Variants in MARCHF8 observed in about 807,000 individuals in gnomAD.
MARCHF8 encodes the protein membrane associated ring-CH-type finger 8, also known as E3 ubiquitin-protein ligase MARCHF8.
In MARCHF8, 40 loss-of-function variants were observed where a neutral mutation model predicts 51.6. That is an observed-to-expected ratio of 0.77 (90% CI 0.60 to 1.01). The LOEUF (loss-of-function observed/expected upper bound fraction) is 1.01. MARCHF8 is among the 50% of genes least tolerant of loss of function. The pLI is 0.00. For missense variants in MARCHF8, 685 were observed against 708.6 expected, an observed-to-expected ratio of 0.97 and a Z score of 0.38; for synonymous variants, 263 against 280.3, an observed-to-expected ratio of 0.94 and a Z score of 0.62.
intron 3 of MARCHF8, among the ~76,000 whole-genome samples, chr10:45,478,074 G>A (rs773965933): frequency 5.3e-5 from 8 of 152,180 alleles, no homozygotes; most frequent in Non-Finnish European, 1.0e-4. Context: ...TAAACAGACA[G>A]TTACAGAACG....
intron 1 of MARCHF8, among the ~76,000 whole-genome samples, chr10:45,558,416 T>C (rs750512844): frequency 4.6e-5 from 7 of 152,170 alleles, no homozygotes; most frequent in Non-Finnish European, 1.0e-4. Flanking sequence ...CAAGGGATGA[T>C]AGTGGTATTG....
chr10:45,507,811 GA>G (rs34156328), intron 2 of MARCHF8, among the ~76,000 whole-genome samples: 1,362 of 122,188 alleles, frequency 0.011, 9 homozygotes, highest in African/African-American at 0.021. Flanking sequence ...GCTCAGTTTT[GA>G]AAAAAAAAAA....
chr10:45,592,858 T>G (rs946742039), intron 1 of MARCHF8, among the ~76,000 whole-genome samples: 1 of 152,018 alleles, frequency 6.6e-6, no homozygotes, highest in Non-Finnish European at 1.5e-5. Flanking sequence ...ACAACGAATC[T>G]TTTTTTTAGT....
intron 3 of MARCHF8, among the ~76,000 whole-genome samples, chr10:45,481,514 T>C (rs540587103): frequency 5.9e-5 from 9 of 152,332 alleles, no homozygotes; most frequent in African/African-American, 1.9e-4. Flanking sequence ...AACTGAATCA[T>C]AGGGGTGGTT....
chr10:45,579,318 C>T (rs1236696768), intron 1 of MARCHF8, among the ~76,000 whole-genome samples: 3 of 150,776 alleles, frequency 2.0e-5, no homozygotes, highest in African/African-American at 7.3e-5. Flanking sequence ...TGTATTTTTT[C>T]TGTAAGTTAC....
At chr10:45,467,718 CCTG>C (rs1284404981) in intron 3 of MARCHF8, among the ~76,000 whole-genome samples, 1 of 152,226 alleles carries the variant, frequency 6.6e-6, no homozygotes, top group Admixed American at 6.5e-5. Context: ...GACCAGCCGT[CCTG>C]CTCTTTCTGA....
intron 2 of MARCHF8, among the ~76,000 whole-genome samples, chr10:45,530,891 A>T (rs2043869905): frequency 6.6e-6 from 1 of 152,248 alleles, no homozygotes; most frequent in Non-Finnish European, 1.5e-5. Flanking sequence ...TAAAACTGTC[A>T]TTATAGCTGT....
chr10:45,570,626 C>A (rs2044418374), intron 1 of MARCHF8, among the ~76,000 whole-genome samples: 1 of 151,978 alleles, frequency 6.6e-6, no homozygotes, highest in Non-Finnish European at 1.5e-5. Context: ...ATGTAATAGG[C>A]AAGGAAAAGA....
intron 2 of MARCHF8, among the ~76,000 whole-genome samples, chr10:45,527,024 G>A (rs1198928671): frequency 6.6e-6 from 1 of 152,090 alleles, no homozygotes; most frequent in Non-Finnish European, 1.5e-5. Flanking sequence ...AATGATTTTT[G>A]GGTCAGTGAT....
chr10:45,512,251 C>G (rs1007710139), intron 2 of MARCHF8, among the ~76,000 whole-genome samples: 7 of 151,488 alleles, frequency 4.6e-5, no homozygotes, highest in African/African-American at 1.7e-4. Context: ...CCGGCAGCCG[C>G]CCCGTCTGAG....
chr10:45,478,004 G>C (rs1421113122), intron 3 of MARCHF8, among the ~76,000 whole-genome samples: 1 of 152,184 alleles, frequency 6.6e-6, no homozygotes, highest in African/African-American at 2.4e-5. Context: ...TCGTTAGACA[G>C]ATCATCTAGG....
In MARCHF8 at chr10:45,567,300, ATT is replaced by A. The variant is rs1589183928; in HGVS notation, c.-79+26933_-79+26934del. On this transcript the variant is annotated intron_variant, in intron 1 of 6. Coordinates refer to the MARCHF8 transcript ENST00000319836. Reference sequence around the variant, plus strand: ...TAACTTGATGTGACCCCATTTGTCCATTTTTGCTTTGGTTGCCTGTACTTGTG... The same window carrying A: ...TAACTTGATGTGACCCCATTTGTCCATTTGCTTTGGTTGCCTGTACTTGTG... 1.3e-5 allele frequency among the ~76,000 whole-genome samples: 2 copies of A among 152,014 alleles called. 1 individual carries two copies. Among genetic ancestry groups the A allele is most frequent in the East Asian group, 3.9e-4 (2 of 5,194 alleles).
chr10:45,555,972 T>C (rs546002215), intron 1 of MARCHF8, among the ~76,000 whole-genome samples: 15 of 152,218 alleles, frequency 9.9e-5, no homozygotes, highest in Non-Finnish European at 1.3e-4. Flanking sequence ...TTCCAGCGAA[T>C]AAATGAAAAA....
chr10:45,460,276 C>T (rs1488120796), intron 6 of MARCHF8, among the ~76,000 whole-genome samples: 1 of 152,136 alleles, frequency 6.6e-6, no homozygotes, highest in Non-Finnish European at 1.5e-5. Context: ...CTTCACCTTT[C>T]TAGGGTATGC....
chr10:45,471,079 G>T (rs1179563961), intron 3 of MARCHF8, among the ~76,000 whole-genome samples: 2 of 152,096 alleles, frequency 1.3e-5, no homozygotes, highest in Admixed American at 1.3e-4. Flanking sequence ...CATTAAAAAA[G>T]TAAGTATATA....
intron 2 of MARCHF8, among the ~76,000 whole-genome samples, chr10:45,514,486 C>T (rs1389438605): frequency 1.3e-5 from 2 of 152,262 alleles, no homozygotes; most frequent in African/African-American, 4.8e-5. Context: ...GGCTGGCTGT[C>T]GCAGCTGGAC....
At position 45,458,546 on chromosome 10, in the gene MARCHF8, G is replaced by A. The variant is rs779323902; in HGVS notation, c.1418-3C>T. The A allele has an allele frequency of 6.4e-7, 1 of 1,571,108 alleles. No homozygotes were observed. The highest frequency in any genetic ancestry group is 8.6e-7 in the Non-Finnish European group (1 of 1,162,160). On this transcript the variant is annotated splice_region_variant and splice_polypyrimidine_tract_variant and intron_variant, in intron 7 of 7. Transcript: ENST00000453424. ...CCAAAAGGGCCATTCTAGGATTCCTGGAAGGGAAAAACTCAGCCTATTAGA... is the reference window on the plus strand; with the variant it reads ...CCAAAAGGGCCATTCTAGGATTCCTAGAAGGGAAAAACTCAGCCTATTAGA...
chr10:45,562,773 T>C (rs1204323642), intron 1 of MARCHF8, among the ~76,000 whole-genome samples: 1 of 152,148 alleles, frequency 6.6e-6, no homozygotes, highest in Non-Finnish European at 1.5e-5. Context: ...TCAGCAAACA[T>C]TCCCCATGCT....
rs2044593217 is a variant in MARCHF8, at chr10:45,584,245, G to A, written c.-79+9990C>T. On this transcript the variant is annotated intron_variant, in intron 1 of 6. Transcript: ENST00000319836. ...ATCAATGAAAGAATGAACAAATTGT[G>A]ATCTATTCATACAATAAAACACCAT... is the stretch of plus-strand genomic sequence containing the variant. Among the ~76,000 whole-genome samples the A allele has an allele frequency of 2.7e-5, 4 of 148,226 alleles. No homozygotes were observed. In the South Asian group the frequency reaches 6.4e-4, roughly 24 times the overall value.
Sources: allele counts gnomAD v4.1 joint callset (sites outside exome capture counted in the v4.1 genomes callset), GRCh38; gene constraint gnomAD v4.1.1; transcripts MANE v1.5; gene names NCBI Gene and HGNC (gene_info 2026-07-23, HGNC 2026-07-21).